ANKS1B: variants seen among roughly 807,000 people sequenced by gnomAD.
ANKS1B encodes the protein ankyrin repeat and sterile alpha motif domain-containing protein 1B.
Under a neutral mutation model 148.3 loss-of-function variants are expected in ANKS1B, and 36 were observed. The observed-to-expected ratio is 0.24, with a 90% CI of 0.19 to 0.32. The LOEUF (loss-of-function observed/expected upper bound fraction) is 0.32. Ranked by LOEUF, ANKS1B falls within the 10% of genes least tolerant of loss-of-function variation. ANKS1B has a pLI of 1.00. For synonymous variants in ANKS1B, 542 were observed against 560.8 expected (o/e 0.97, Z 0.47); for missense variants, 1,157 against 1,542.6 (o/e 0.75, Z 4.19).
intron 1 of ANKS1B, among the ~76,000 whole-genome samples, chr12:99,945,219 C>T (rs929148044): frequency 6.6e-6 from 1 of 151,950 alleles, no homozygotes; most frequent in Non-Finnish European, 1.5e-5. Context: ...GTAGTAAAGG[C>T]CATTCTGAGG....
intron 1 of ANKS1B, among the ~76,000 whole-genome samples, chr12:99,980,687 G>A (rs1260356519): frequency 1.3e-5 from 2 of 152,000 alleles, no homozygotes; most frequent in Non-Finnish European, 2.9e-5. Context: ...CATCTATGCT[G>A]TCTTGCCATA....
At chr12:99,889,882 G>A (rs1390633980) in intron 1 of ANKS1B, among the ~76,000 whole-genome samples, 3 of 152,094 alleles carry the variant, frequency 2.0e-5, no homozygotes, top group African/African-American at 4.8e-5. Context: ...CATACTCACA[G>A]TGGGGCTCAC....
chr12:98,775,738 C>G (rs2098666532), intron 24 of ANKS1B, among the ~76,000 whole-genome samples: 1 of 152,100 alleles, frequency 6.6e-6, no homozygotes, highest in Non-Finnish European at 1.5e-5. Context: ...AGGTGTGAGC[C>G]ACTGTGCCTG....
chr12:98,975,590 T>C (rs988092625), intron 17 of ANKS1B, among the ~76,000 whole-genome samples: 5 of 152,076 alleles, frequency 3.3e-5, no homozygotes, highest in African/African-American at 7.2e-5. Context: ...ATAGGTAATA[T>C]ACTATTATGT....
At chr12:99,170,319 A>G (rs2077619195) in intron 14 of ANKS1B, among the ~76,000 whole-genome samples, 1 of 152,100 alleles carries the variant, frequency 6.6e-6, no homozygotes, top group Admixed American at 6.6e-5. Context: ...CTCTCGAGCC[A>G]GACTGCCTGG....
chr12:99,386,193 T>G lies in ANKS1B; in HGVS notation c.1756+13438A>C, dbSNP rs139436308. 59 of 152,346 alleles carry G rather than the reference T, an allele frequency of 3.9e-4. No homozygotes were observed. In the East Asian group the frequency reaches 0.011, roughly 29 times the overall value. 9.4% of individuals were successfully genotyped at this position (152,346 alleles called of 1,614,324 possible). A position where few individuals can be genotyped will look rare whatever the true frequency, so the allele number is the denominator to read the frequency against. Reference sequence around the variant, plus strand: ...AAATGTTGATTCTTTGTAGCATATGTGCCTTCCTAATAACACTCCATTAGT... The same window carrying G: ...AAATGTTGATTCTTTGTAGCATATGGGCCTTCCTAATAACACTCCATTAGT... On this transcript the variant is annotated intron_variant, in intron 12 of 26. Transcript: ENST00000683438.
At chr12:98,887,888 C>T (rs554567822) in intron 17 of ANKS1B, among the ~76,000 whole-genome samples, 4 of 152,290 alleles carry the variant, frequency 2.6e-5, no homozygotes, top group Admixed American at 6.5e-5. Context: ...GCTAGGATTA[C>T]GGGCATGATC....
intron 17 of ANKS1B, among the ~76,000 whole-genome samples, chr12:98,853,806 C>T (rs2153783076): frequency 6.6e-6 from 1 of 152,270 alleles, no homozygotes; most frequent in South Asian, 2.1e-4. Context: ...TCTATTCAGC[C>T]CAGCATCTAG....
In ANKS1B at chr12:99,331,581, C is replaced by G. The variant is rs375872376; in HGVS notation, c.1756+68050G>C. Among the ~76,000 whole-genome samples the G allele has an allele frequency of 3.9e-5, 6 of 152,144 alleles. No homozygotes were observed. The East Asian group carries it at 1.2e-3, about 29-fold the overall frequency. On this transcript the variant is annotated intron_variant, in intron 12 of 26. Coordinates refer to ENST00000683438, the MANE Select transcript of ANKS1B (RefSeq NM_001352186.2). ...AAGTGGGGCGGGGAGAGCAGCAAGT[C>G]TTTCAGAATGAGATCTGTACTTATC...
chr12:99,028,465 C>T (rs530519112), intron 17 of ANKS1B, among the ~76,000 whole-genome samples: 80 of 152,232 alleles, frequency 5.3e-4, no homozygotes, highest in African/African-American at 1.9e-3. Flanking sequence ...TACATTTATT[C>T]CCACTTAGCT....
At chr12:98,815,299 C>T (rs2099130426) in intron 19 of ANKS1B, among the ~76,000 whole-genome samples, 1 of 152,222 alleles carries the variant, frequency 6.6e-6, no homozygotes, top group African/African-American at 2.4e-5. Flanking sequence ...CTTTTCCTGT[C>T]CTCATCTGAG....
chr12:98,968,544 C>A (rs2099880565), intron 17 of ANKS1B, among the ~76,000 whole-genome samples: 1 of 152,164 alleles, frequency 6.6e-6, no homozygotes, highest in South Asian at 2.1e-4. Flanking sequence ...ACTGTGGTTT[C>A]CTTTTGTACT....
intron 1 of ANKS1B, among the ~76,000 whole-genome samples, chr12:99,906,895 A>G (rs2093803375): frequency 6.6e-6 from 1 of 152,256 alleles, no homozygotes; most frequent in Admixed American, 6.5e-5. Context: ...CTAGAAAAGA[A>G]AAAAAGATGT....
chr12:99,032,998 A>G (rs2099953223), intron 17 of ANKS1B, among the ~76,000 whole-genome samples: 1 of 152,224 alleles, frequency 6.6e-6, no homozygotes, highest in Admixed American at 6.5e-5. Flanking sequence ...ACTCAGGCAA[A>G]ACATTTCTTG....
intron 19 of ANKS1B, among the ~76,000 whole-genome samples, chr12:98,826,244 C>A (rs2099247734): frequency 6.6e-6 from 1 of 152,104 alleles, no homozygotes; most frequent in Non-Finnish European, 1.5e-5. Context: ...AGAATAATAG[C>A]AAACAATACT....
chr12:99,409,119 T>G (rs1049297146), intron 11 of ANKS1B, among the ~76,000 whole-genome samples: 4 of 152,138 alleles, frequency 2.6e-5, no homozygotes, highest in African/African-American at 9.7e-5. Context: ...AACATATGAA[T>G]GGATAAAGAA....
At chr12:99,830,948 T>C (rs2083900489) in intron 1 of ANKS1B, among the ~76,000 whole-genome samples, 1 of 152,150 alleles carries the variant, frequency 6.6e-6, no homozygotes, top group Non-Finnish European at 1.5e-5. Context: ...TCAAATGTCA[T>C]CTCTTCGGAA....
At chr12:98,843,915 A>C (rs1032983722) in intron 17 of ANKS1B, among the ~76,000 whole-genome samples, 1 of 152,200 alleles carries the variant, frequency 6.6e-6, no homozygotes, top group African/African-American at 2.4e-5. Flanking sequence ...GTAATTGCTG[A>C]ATCAGTTTTC....
At chr12:99,937,897 A>T (rs1000177696) in intron 1 of ANKS1B, among the ~76,000 whole-genome samples, 2 of 152,146 alleles carry the variant, frequency 1.3e-5, no homozygotes, top group Non-Finnish European at 2.9e-5. Flanking sequence ...CCTGCCCTCA[A>T]GTTATATATA....
Sources: allele counts gnomAD v4.1 joint callset (sites outside exome capture counted in the v4.1 genomes callset), GRCh38; gene constraint gnomAD v4.1.1; transcripts MANE v1.5; gene names NCBI Gene and HGNC (gene_info 2026-07-23, HGNC 2026-07-21).